Variants in TMEM183A observed in about 807,000 individuals in gnomAD.
The protein encoded by TMEM183A is chromosome 1 open reading frame 37.
TMEM183A carries 21 observed loss-of-function variants against 46.7 expected under a neutral mutation model. The ratio of observed to expected loss-of-function variants is 0.45; its 90% confidence interval spans 0.32 to 0.65. TMEM183A has a LOEUF of 0.65. Ranked by LOEUF, TMEM183A falls within the 30% of genes least tolerant of loss-of-function variation. TMEM183A has a pLI of 0.04. For synonymous variants in TMEM183A, 165 were observed against 180.2 expected, an observed-to-expected ratio of 0.92 and a Z score of 0.68; for missense variants, 331 against 481.9, an observed-to-expected ratio of 0.69 and a Z score of 2.93.
At chr1:203,018,257 G>A (rs1657351629) in intron 5 of TMEM183A, among the ~76,000 whole-genome samples, 1 of 152,110 alleles carries the variant, frequency 6.6e-6, no homozygotes, top group African/African-American at 2.4e-5. Flanking sequence ...ACTTATATTG[G>A]TCCCTCCTGT....
In TMEM183A at chr1:203,018,600, T is replaced by A. The variant is rs774714886; in HGVS notation, c.789+39T>A. ...TCTTTGTTTTTCAGATAATACCTTG[T>A]TCTAAGAGATTTCCCTAGATATCTT... On this transcript the variant is annotated intron_variant, in intron 6 of 7. Coordinates refer to ENST00000367242, the MANE Select transcript of TMEM183A (RefSeq NM_138391.6). The A allele has an allele frequency of 3.5e-5, 56 of 1,587,456 alleles. 1 individual carries two copies. In the South Asian group the frequency reaches 6.2e-4, roughly 18 times the overall value.
intron 4 of TMEM183A, chr1:203,015,269 G>A: frequency 1.6e-6 from 1 of 618,160 alleles, no homozygotes; most frequent in Non-Finnish European, 2.7e-6. Flanking sequence ...CCCCACTCCA[G>A]TATCCACTTT....
chr1:203,013,228 T>C lies in TMEM183A; in HGVS notation c.368-1661T>C, dbSNP rs1656844028. ...CTAACCAAATAACCTGATCTAATCA[T>C]AGAGCTGTAGGAAGCAGTTAGCTAG... On this transcript the variant is annotated intron_variant, in intron 3 of 7. Transcript: ENST00000367242. This position sits in a 1 kb window ranked among gnomAD's most constrained non-coding sequence, Gnocchi z 4.0. 2.6e-5 allele frequency among the ~76,000 whole-genome samples: 4 copies of C among 152,192 alleles called. No homozygotes were observed. Among genetic ancestry groups the C allele is most frequent in the South Asian group, 2.1e-4 (1 of 4,830 alleles).
intron 2 of TMEM183A, 113 bp downstream of exon 2, chr1:203,007,976 G>C: frequency 1.5e-6 from 2 of 1,351,360 alleles, no homozygotes; most frequent in Non-Finnish European, 2.0e-6. Flanking sequence ...GTTTGCTTTC[G>C]TTAGTGTTAA....
intron 6 of TMEM183A, among the ~76,000 whole-genome samples, chr1:203,018,922 CAG>C (rs1174276523): frequency 1.3e-5 from 2 of 152,202 alleles, no homozygotes; most frequent in African/African-American, 4.8e-5. Context: ...AGGGCCTCCC[CAG>C]TAGGTCACCT....
chr1:203,009,657 A>G (rs1656355562), intron 3 of TMEM183A, among the ~76,000 whole-genome samples: 1 of 151,828 alleles, frequency 6.6e-6, no homozygotes, highest in Non-Finnish European at 1.5e-5. Context: ...AATTTTTTCT[A>G]TTTTTTGTAG....
In TMEM183A at chr1:203,013,844, C is replaced by T. The variant is rs1656907358; in HGVS notation, c.368-1045C>T. On this transcript the variant is annotated intron_variant, in intron 3 of 7. Transcript: ENST00000367242. This position sits in a 1 kb window ranked among gnomAD's most constrained non-coding sequence, Gnocchi z 4.0. Reference sequence around the variant, plus strand: ...CCATCTCAGCTCACTGCAACCTCCACCTCCTGGTTCAAGCGATTCTCCTGC... The same window carrying T: ...CCATCTCAGCTCACTGCAACCTCCATCTCCTGGTTCAAGCGATTCTCCTGC... Among the ~76,000 whole-genome samples, 1 of 149,490 alleles carries T rather than the reference C, an allele frequency of 6.7e-6. No homozygotes were observed. Among genetic ancestry groups the T allele is most frequent in the African/African-American group, 2.5e-5 (1 of 40,322 alleles).
intron 7 of TMEM183A, 137 bp from the exon 8 acceptor site, chr1:203,022,718 A>AT (rs1657815357): frequency 3.1e-4 from 314 of 1,017,098 alleles, no homozygotes; most frequent in Non-Finnish European, 4.0e-4. Flanking sequence ...AAAAAAAAAA[A>AT]GGTGTTTGTT....
intron 5 of TMEM183A, among the ~76,000 whole-genome samples, chr1:203,017,407 C>T (rs1657265166): frequency 6.6e-6 from 1 of 152,192 alleles, no homozygotes; most frequent in African/African-American, 2.4e-5. Flanking sequence ...GGCTCCAGTG[C>T]ACAATGCAAG....
chr1:203,017,910 C>A (rs1368430453), intron 5 of TMEM183A: 12 of 986,228 alleles, frequency 1.2e-5, no homozygotes, highest in Non-Finnish European at 1.4e-5. Flanking sequence ...CACCCCTTAT[C>A]CCCTGGGAGG....
rs372497767 is a variant in TMEM183A, at chr1:203,007,409, C to A, written c.-57C>A. On this transcript the variant is annotated 5_prime_UTR_variant, in exon 1 of 8. Coordinates refer to ENST00000367242, the MANE Select transcript of TMEM183A (RefSeq NM_138391.6). ...TTAGCGGCCTCCGGTGTGGGATGGC[C>A]GCGGAGCCGGGCGGAGCTGGCTTGC... The A allele has an allele frequency of 3.7e-6, 5 of 1,341,154 alleles. No homozygotes were observed. The highest frequency in any genetic ancestry group is 4.8e-6 in the Non-Finnish European group (5 of 1,045,106). The allele number at this position is 1,341,154 out of a possible 1,614,324, so 83.1% of individuals were successfully genotyped here.
At chr1:203,017,215 A>C (rs1657248475) in intron 5 of TMEM183A, among the ~76,000 whole-genome samples, 1 of 152,022 alleles carries the variant, frequency 6.6e-6, no homozygotes, top group Admixed American at 6.6e-5. Flanking sequence ...TTCTGCTTGT[A>C]ATATGAGTGG....
chr1:203,018,602 C>A, intron 6 of TMEM183A, 41 bp downstream of exon 6: 1 of 1,586,412 alleles, frequency 6.3e-7, no homozygotes, highest in South Asian at 1.1e-5. Context: ...ATACCTTGTT[C>A]TAAGAGATTT....
At chr1:203,016,783 A>G (rs1196134076) in intron 5 of TMEM183A, among the ~76,000 whole-genome samples, 2 of 152,132 alleles carry the variant, frequency 1.3e-5, no homozygotes, top group Non-Finnish European at 2.9e-5. Flanking sequence ...ATATTCACAT[A>G]TTTATATTCA....
At chr1:203,015,465 T>C (rs1657082881) in intron 4 of TMEM183A, 1 of 231,530 alleles carries the variant, frequency 4.3e-6, no homozygotes, top group Non-Finnish European at 8.5e-6. Context: ...TGCAGCCTTA[T>C]GTATAGTTGT....
intron 6 of TMEM183A, 150 bp downstream of exon 6, chr1:203,018,711 G>C (rs1657400058): frequency 2.2e-6 from 2 of 930,006 alleles, no homozygotes; most frequent in African/African-American, 1.7e-5. Context: ...CAGTTCTGGA[G>C]GCTGGGAAGT....
Position 203,013,351 on chromosome 1 carries a change from A to G in TMEM183A, c.368-1538A>G, listed in dbSNP as rs1344561773. Among the ~76,000 whole-genome samples, 3 of 152,172 alleles carry G rather than the reference A, an allele frequency of 2.0e-5. No individual in the cohort carries two copies. The highest frequency in any genetic ancestry group is 4.8e-5 in the African/African-American group (2 of 41,454). ...GGATAGTTCTATGACTAGGTTTGAAATAAGGGTTAAGGTTAGGATTAGCTC... is the reference window on the plus strand; with the variant it reads ...GGATAGTTCTATGACTAGGTTTGAAGTAAGGGTTAAGGTTAGGATTAGCTC... On this transcript the variant is annotated intron_variant, in intron 3 of 7. Transcript: ENST00000367242. This position sits in a 1 kb window ranked among gnomAD's most constrained non-coding sequence, Gnocchi z 4.0.
Position 203,007,807 on chromosome 1 carries a change from C to T in TMEM183A, c.143C>T (p.Ala48Val). The stretch of plus-strand genomic sequence containing the variant: ...GCGGATTACGCCAACTCGGATCCGG[C>T]GGTCGTGAGGTCTGGACGAGTCAAG... ...TVADYANSDP[A>V]VVRSGRVKKA... is the part of the protein sequence containing the mutation. Residue 48 changes from alanine to valine, a missense_variant, in exon 2 of 8, where the codon GCG (alanine) becomes GTG (valine). By Grantham distance (64) the Ala-to-Val change is moderately conservative (BLOSUM62 0). Transcript: ENST00000367242. 6.2e-7 allele frequency: 1 copy of T among 1,613,944 alleles called. No individual in the cohort carries two copies. The highest frequency in any genetic ancestry group is 8.5e-7 in the Non-Finnish European group (1 of 1,179,864).
intron 5 of TMEM183A, chr1:203,016,360 T>G (rs1657169640): frequency 3.4e-6 from 2 of 594,018 alleles, no homozygotes; most frequent in South Asian, 2.0e-5. Context: ...TTTTAGTGTA[T>G]TCCTTATTCT....
Sources: gnomAD v4.1 joint callset for allele counts (sites outside exome capture counted in the v4.1 genomes callset) on GRCh38, gnomAD v4.1.1 for gene constraint, Gnocchi (gnomAD v3.1) non-coding constraint, MANE v1.5 for transcripts, NCBI Gene and HGNC (gene_info 2026-07-23, HGNC 2026-07-21) for gene names.